NPAS2: variants seen among roughly 807,000 people sequenced by gnomAD.
The protein encoded by NPAS2 is neuronal PAS domain protein 2.
Under a neutral mutation model 107.5 loss-of-function variants are expected in NPAS2, and 23 were observed. The observed-to-expected ratio is 0.21, with a 90% CI of 0.15 to 0.30. The LOEUF is 0.30. Ranked by LOEUF, NPAS2 falls within the 10% of genes least tolerant of loss-of-function variation. The probability of loss-of-function intolerance (pLI) is 1.00; values close to 1 mark genes in which losing one functional copy is unlikely to be tolerated. For missense variants in NPAS2, 756 were observed against 1,043.3 expected (o/e 0.72, Z 3.79); for synonymous variants, 403 against 417.5 (o/e 0.97, Z 0.42).
chr2:100,987,709 A>T (rs1294698529), intron 16 of NPAS2: 1 of 254,868 alleles, frequency 3.9e-6, no homozygotes, highest in Non-Finnish European at 7.6e-6. Flanking sequence ...TGCATCATGC[A>T]TTCCACTCAC....
At chr2:100,907,781 T>G (rs1682262262) in intron 2 of NPAS2, among the ~76,000 whole-genome samples, 1 of 152,216 alleles carries the variant, frequency 6.6e-6, no homozygotes, top group Admixed American at 6.5e-5. Flanking sequence ...AAGGGCACGG[T>G]TCCACTTTCT....
At chr2:100,884,556 T>C (rs1439226826) in intron 1 of NPAS2, among the ~76,000 whole-genome samples, 2 of 152,224 alleles carry the variant, frequency 1.3e-5, no homozygotes, top group East Asian at 3.8e-4. Flanking sequence ...ACACACATTA[T>C]TAAGACTTCA....
chr2:100,942,544 T>A (rs969623093), intron 5 of NPAS2, among the ~76,000 whole-genome samples: 4 of 146,358 alleles, frequency 2.7e-5, no homozygotes, highest in African/African-American at 5.0e-5. Context: ...CCTTTTGATT[T>A]TTATATACCA....
intron 10 of NPAS2, among the ~76,000 whole-genome samples, chr2:100,966,422 A>G (rs1330685271): frequency 2.0e-5 from 3 of 152,090 alleles, no homozygotes; most frequent in Admixed American, 2.0e-4. Context: ...AGCTTGTCCG[A>G]GTTCTCACTT....
chr2:100,821,036 T>A, intron 1 of NPAS2: 2 of 1,299,054 alleles, frequency 1.5e-6, no homozygotes, highest in Non-Finnish European at 2.0e-6. Flanking sequence ...GATGTATGCG[T>A]ATGGTTTTGT....
chr2:100,962,563 C>A (rs1264237559), intron 7 of NPAS2, among the ~76,000 whole-genome samples: 1 of 152,188 alleles, frequency 6.6e-6, no homozygotes, highest in Non-Finnish European at 1.5e-5. Context: ...TGGGCTTCAC[C>A]CCAGAGTTTG....
At chr2:100,905,697 A>T (rs1305134220) in intron 2 of NPAS2, among the ~76,000 whole-genome samples, 2 of 152,086 alleles carry the variant, frequency 1.3e-5, no homozygotes, top group Admixed American at 6.5e-5. Context: ...TGCCTCTGCC[A>T]CTGCTTGTGT....
At chr2:100,969,769 C>T (rs1373521580) in intron 11 of NPAS2, among the ~76,000 whole-genome samples, 1 of 152,148 alleles carries the variant, frequency 6.6e-6, no homozygotes, top group Non-Finnish European at 1.5e-5. Flanking sequence ...CTAGGCTACA[C>T]ACCTGTACAG....
chr2:100,884,680 G>A (rs1414498729), intron 1 of NPAS2, among the ~76,000 whole-genome samples: 2 of 152,124 alleles, frequency 1.3e-5, no homozygotes, highest in Non-Finnish European at 2.9e-5. Context: ...CTCAGAGGGA[G>A]TCAGCCTGGG....
At position 100,976,942 on chromosome 2, in the gene NPAS2, T is replaced by C. The variant is rs541640429; in HGVS notation, c.1393-768T>C. 6.6e-6 allele frequency: 1 copy of C among 152,186 alleles called. No homozygotes were observed. The highest frequency in any genetic ancestry group is 2.1e-4 in the South Asian group (1 of 4,826). 9.4% of individuals were successfully genotyped at this position (152,186 alleles called of 1,614,324 possible). On this transcript the variant is annotated intron_variant, in intron 14 of 20. Transcript: ENST00000335681. The surrounding 1 kb of genome is among the most constrained non-coding windows in gnomAD (Gnocchi z 4.1). ...GTGTCATTTCCTCCCAATGCTGTCC[T>C]GGGTGACACTTTCCATTTGAGCTGC... is the stretch of plus-strand genomic sequence containing the variant.
Position 100,990,267 on chromosome 2 carries a change from A to AC in NPAS2, c.1839_1840insC (p.Met614HisfsTer56). 2 of 1,614,108 alleles carry AC rather than the reference A, an allele frequency of 1.2e-6. No individual in the cohort carries two copies. The highest frequency in any genetic ancestry group is 1.7e-6 in the Non-Finnish European group (2 of 1,179,988). ...AAATGATGCTCCAGGGTCCAAAGCC[A>AC]ATGAGAAGCTCACAGCTAATGCAGA... On this transcript the variant is annotated frameshift_variant, in exon 18 of 21. Coordinates refer to ENST00000335681, the MANE Select transcript of NPAS2 (RefSeq NM_002518.4). LOFTEE classifies it high-confidence loss of function.
chr2:100,880,437 A>G (rs1016792401), intron 1 of NPAS2, among the ~76,000 whole-genome samples: 1 of 152,218 alleles, frequency 6.6e-6, no homozygotes, highest in Non-Finnish European at 1.5e-5. Flanking sequence ...ATATATAGGA[A>G]TATTATTCAG....
chr2:100,937,863 C>G (rs745462814), intron 5 of NPAS2, 21 bp downstream of exon 5: 182 of 1,528,356 alleles, frequency 1.2e-4, no homozygotes, highest in Admixed American at 6.5e-4. Flanking sequence ...ACTCCAATGG[C>G]CTTTACCGGT....
chr2:100,982,290 G>A lies in NPAS2; in HGVS notation c.1542G>A (p.Arg514=), dbSNP rs1573792193. ...TIKDQLEQRT[R]ILQANIRWQQ... ...AAGACCAGCTAGAGCAGCGGACGCGGATCCTGCAGGCCAATATCCGGTGGC... is the reference window on the plus strand; with the variant it reads ...AAGACCAGCTAGAGCAGCGGACGCGAATCCTGCAGGCCAATATCCGGTGGC... The change falls in exon 16 of 21, where the codon CGG becomes CGA. Residue 514 remains arginine (R), a synonymous_variant. Transcript: ENST00000335681. 3.1e-6 allele frequency: 5 copies of A among 1,614,222 alleles called. No individual in the cohort carries two copies. Among genetic ancestry groups the A allele is most frequent in the Non-Finnish European group, 4.2e-6 (5 of 1,180,036 alleles).
intron 2 of NPAS2, among the ~76,000 whole-genome samples, chr2:100,912,702 C>T (rs11674168): frequency 0.073 from 11,127 of 152,320 alleles, 543 homozygotes; most frequent in East Asian, 0.21. Flanking sequence ...TTCCTCACAA[C>T]ACGTGGTTGC....
At chr2:100,844,090 G>A (rs533797948) in intron 1 of NPAS2, among the ~76,000 whole-genome samples, 34 of 152,326 alleles carry the variant, frequency 2.2e-4, no homozygotes, top group African/African-American at 7.5e-4. Context: ...CTCACTGTCT[G>A]CAGGCTCACA....
At chr2:100,898,313 A>C (rs989400771) in intron 1 of NPAS2, among the ~76,000 whole-genome samples, 2 of 152,128 alleles carry the variant, frequency 1.3e-5, no homozygotes, top group African/African-American at 4.8e-5. Flanking sequence ...CCAACCTCCC[A>C]AAGCAATGAT....
In NPAS2 at chr2:100,971,005, G is replaced by A. The variant is rs1324332473; in HGVS notation, c.1071G>A (p.Arg357=). The change falls in exon 12 of 21, where the codon CGG becomes CGA. Residue 357 remains arginine, a synonymous_variant. Coordinates refer to ENST00000335681, the MANE Select transcript of NPAS2 (RefSeq NM_002518.4). The part of the protein sequence containing the change: ...THSVVSYADV[R]VERRQELALE... ...TCCTGTACAGTTACGCAGATGTCCG[G>A]GTGGAAAGGAGGCAGGAGCTGGCTC... 4 of 1,613,996 alleles carry A rather than the reference G, an allele frequency of 2.5e-6. No individual in the cohort carries two copies.
chr2:100,838,356 A>T (rs7588869), intron 1 of NPAS2, among the ~76,000 whole-genome samples: 1 of 151,806 alleles, frequency 6.6e-6, no homozygotes, highest in Non-Finnish European at 1.5e-5. Context: ...CAGCTCACTG[A>T]AACCTCCACC....
Sources: gnomAD v4.1 joint callset for allele counts (sites outside exome capture counted in the v4.1 genomes callset) on GRCh38, gnomAD v4.1.1 for gene constraint, Gnocchi (gnomAD v3.1) non-coding constraint, MANE v1.5 for transcripts, NCBI Gene and HGNC (gene_info 2026-07-23, HGNC 2026-07-21) for gene names.